The following CEP250 variants were observed in gnomAD, a reference collection of about 807,000 sequenced individuals.
The protein encoded by CEP250 is centrosome-associated protein CEP250.
CEP250 carries 242 observed loss-of-function variants against 315.7 expected under a neutral mutation model. That is an observed-to-expected ratio of 0.77 (90% CI 0.69 to 0.85). CEP250 has a LOEUF of 0.85. Ranked by LOEUF, CEP250 falls within the 40% of genes least tolerant of loss-of-function variation. CEP250 has a pLI of 0.00. For missense variants in CEP250, 2,515 were observed against 2,886.4 expected, an observed-to-expected ratio of 0.87 and a Z score of 2.95; for synonymous variants, 1,088 against 1,175.0, an observed-to-expected ratio of 0.93 and a Z score of 1.51.
rs74929920 is a variant in CEP250 at position 35,476,569 on chromosome 20, G to T, written c.1837G>T (p.Val613Phe). ...AAATGAGGCTTTGGCGTTAGATAAAGTTGGGCTGAACCAGCAGCTTCTCCA... is the reference window on the plus strand; with the variant it reads ...AAATGAGGCTTTGGCGTTAGATAAATTTGGGCTGAACCAGCAGCTTCTCCA... Reference protein sequence around the residue: ...ALNEALALDKVGLNQQLLQLE... With the variant: ...ALNEALALDKFGLNQQLLQLE... The change falls in exon 16 of 35, where the codon GTT becomes TTT. Residue 613 changes from valine (V) to phenylalanine (F), a missense_variant. Val to Phe is a conservative substitution (Grantham distance 50, BLOSUM62 -1). Transcript: ENST00000397527. 5,552 of 1,613,586 alleles carry T rather than the reference G, an allele frequency of 3.4e-3. 181 individuals are homozygous for T. The African/African-American group carries it at 0.065, about 19-fold the overall frequency.
Position 35,477,868 on chromosome 20 carries a change from T to G in CEP250, c.1864-3T>G. ...TGTACTCCCTTCCCTTTTTGGCCAG[T>G]AGTTAGAGGAGGAGAACCAGTCTGT... On this transcript the variant is annotated splice_polypyrimidine_tract_variant and splice_region_variant and intron_variant, in intron 16 of 34. Coordinates refer to ENST00000397527, the MANE Select transcript of CEP250 (RefSeq NM_007186.6). 1 of 1,571,834 alleles carries G rather than the reference T, an allele frequency of 6.4e-7. No homozygotes were observed. Among genetic ancestry groups the G allele is most frequent in the South Asian group, 1.2e-5 (1 of 85,660 alleles).
Position 35,504,657 on chromosome 20 carries a change from A to G in CEP250, c.6288A>G (p.Val2096=). The G allele has an allele frequency of 6.2e-7, 1 of 1,614,170 alleles. No individual in the cohort carries two copies. The highest frequency in any genetic ancestry group is 8.5e-7 in the Non-Finnish European group (1 of 1,180,028). Residue 2096 remains valine (V), a synonymous_variant, in exon 30 of 35, where the codon GTA becomes GTG. Coordinates refer to ENST00000397527, the MANE Select transcript of CEP250 (RefSeq NM_007186.6). Reference sequence around the variant, plus strand: ...AGATAAGGGGCCTTCATCAGAGTGTAAGGGAGCTACAGCTGACTCTAGCCC... The same window carrying G: ...AGATAAGGGGCCTTCATCAGAGTGTGAGGGAGCTACAGCTGACTCTAGCCC... ...EEEIRGLHQS[V]RELQLTLAQK...
intron 17 of CEP250, among the ~76,000 whole-genome samples, chr20:35,478,497 G>A (rs1342377787): frequency 6.6e-6 from 1 of 152,096 alleles, no homozygotes; most frequent in Non-Finnish European, 1.5e-5. Flanking sequence ...TCTGGGAGGC[G>A]GAGGTTGCAG....
Position 35,497,767 on chromosome 20 carries a change from G to C in CEP250, c.3355G>C (p.Ala1119Pro), listed in dbSNP as rs1313164788. Residue 1119 changes from alanine to proline, a missense_variant, in exon 26 of 35, where the codon GCC (alanine) becomes CCC (proline). Ala to Pro is a conservative substitution (Grantham distance 27). Transcript: ENST00000397527. Reference protein sequence around the residue: ...EVKEKEADFLAQEAQLLEELE... With the variant: ...EVKEKEADFLPQEAQLLEELE... ...GAAGGAAAAGGAGGCTGACTTTCTG[G>C]CCCAGGAAGCACAGCTGCTGGAGGA... 1 of 1,560,474 alleles carries C rather than the reference G, an allele frequency of 6.4e-7. No individual in the cohort carries two copies. The highest frequency in any genetic ancestry group is 1.4e-5 in the African/African-American group (1 of 73,654).
intron 20 of CEP250, among the ~76,000 whole-genome samples, chr20:35,489,433 G>T (rs1407003667): frequency 1.3e-5 from 2 of 152,232 alleles, no homozygotes; most frequent in Non-Finnish European, 2.9e-5. Context: ...TGTGTGCTAC[G>T]CACATTTAAA....
intron 7 of CEP250, 55 bp downstream of exon 7, chr20:35,466,259 G>A: frequency 6.5e-7 from 1 of 1,533,168 alleles, no homozygotes; most frequent in Non-Finnish European, 8.8e-7. Flanking sequence ...TCTGGATGCT[G>A]CCCTGGTCAG....
chr20:35,512,195 G>GTGT lies in CEP250; in HGVS notation c.*570_*571insGTT. On this transcript the variant is annotated 3_prime_UTR_variant, in exon 35 of 35. Transcript: ENST00000397527. ...AGAACAGGCTAACACTCATTTATGAGTCAGAGGCAATTCTGTGTACTGACT... is the reference window on the plus strand; with the variant it reads ...AGAACAGGCTAACACTCATTTATGAGTGTTCAGAGGCAATTCTGTGTACTGACT... 4.1e-6 allele frequency: 1 copy of GTGT among 244,020 alleles called. No homozygotes were observed. The highest frequency in any genetic ancestry group is 6.6e-6 in the Non-Finnish European group (1 of 151,640). 15.1% of individuals were successfully genotyped at this position (244,020 alleles called of 1,614,324 possible). A position where few individuals can be genotyped will look rare whatever the true frequency, so the allele number is the denominator to read the frequency against.
chr20:35,504,848 G>C lies in CEP250; in HGVS notation c.6479G>C (p.Arg2160Thr), dbSNP rs542508593. Residue 2160 changes from arginine (R) to threonine (T), a missense_variant, in exon 30 of 35, where the codon AGA (arginine) becomes ACA (threonine). By Grantham distance (71) the Arg-to-Thr change is moderately conservative. Coordinates refer to ENST00000397527, the MANE Select transcript of CEP250 (RefSeq NM_007186.6). Reference protein sequence around the residue: ...RELERLQAALRQTEAREIEWR... With the variant: ...RELERLQAALTQTEAREIEWR... Reference sequence around the variant, plus strand: ...CTGGAGCGGCTACAGGCAGCCCTGAGACAGACAGAAGCCAGGGAGATTGAG... The same window carrying C: ...CTGGAGCGGCTACAGGCAGCCCTGACACAGACAGAAGCCAGGGAGATTGAG... 6.2e-7 allele frequency: 1 copy of C among 1,614,204 alleles called. No homozygotes were observed. The highest frequency in any genetic ancestry group is 2.2e-5 in the East Asian group (1 of 44,882).
chr20:35,481,376 C>T (rs890636831), intron 20 of CEP250: 20 of 152,176 alleles, frequency 1.3e-4, no homozygotes, highest in African/African-American at 4.6e-4. Flanking sequence ...AGCTGAGCAC[C>T]ACTGCACTCC....
intron 4 of CEP250, among the ~76,000 whole-genome samples, chr20:35,463,168 C>T (rs1297393823): frequency 1.3e-5 from 2 of 152,068 alleles, no homozygotes; most frequent in East Asian, 1.9e-4. Context: ...TTTGGGAGGC[C>T]GAGGCAGGTG....
At chr20:35,495,766 A>C (rs1277812454) in intron 24 of CEP250, among the ~76,000 whole-genome samples, 1 of 151,978 alleles carries the variant, frequency 6.6e-6, no homozygotes, top group Admixed American at 6.6e-5. Flanking sequence ...AGCAAAAAAC[A>C]ACAAAAAAAA....
intron 13 of CEP250, 97 bp from the exon 14 acceptor site, chr20:35,473,773 G>A: frequency 1.7e-6 from 2 of 1,160,136 alleles, no homozygotes; most frequent in African/African-American, 1.6e-5. Flanking sequence ...ACAGAAGATG[G>A]GATGTTGAAA....
At position 35,466,163 on chromosome 20, in the gene CEP250, G is replaced by C. The variant is rs2062872988; in HGVS notation, c.451G>C (p.Glu151Gln). 6.2e-7 allele frequency: 1 copy of C among 1,609,192 alleles called. No homozygotes were observed. The highest frequency in any genetic ancestry group is 1.1e-5 in the South Asian group (1 of 90,420). ...LTVDWSRARD[E>Q]LMRKESQWQM... The stretch of plus-strand genomic sequence containing the variant: ...AGTGGACTGGAGCCGGGCCCGGGAT[G>C]AGCTAATGAGGAAGGAGAGCCAGTG... Residue 151 changes from glutamate to glutamine, a missense_variant, in exon 7 of 35, where the codon GAG becomes CAG. Coordinates refer to ENST00000397527, the MANE Select transcript of CEP250 (RefSeq NM_007186.6).
Position 35,509,869 on chromosome 20 carries a change from G to C in CEP250, c.7009-129G>C, listed in dbSNP as rs2064305861. ...GCTGCCCCATAGACGTCCAGTCTGA[G>C]TTCAGATGCTTCTGGCCCATAGCCC... On this transcript the variant is annotated intron_variant, in intron 33 of 34. Transcript: ENST00000397527. The C allele has an allele frequency of 1.7e-5, 14 of 818,194 alleles. No homozygotes were observed. In the South Asian group the frequency reaches 2.0e-4, roughly 12 times the overall value. The allele number at this position is 818,194 out of a possible 1,614,324, so 50.7% of individuals were successfully genotyped here. A position where few individuals can be genotyped will look rare whatever the true frequency, so the allele number is the denominator to read the frequency against.
At chr20:35,474,659 A>C in intron 14 of CEP250, 2 of 400,690 alleles carry the variant, frequency 5.0e-6, no homozygotes, top group Non-Finnish European at 1.0e-5. Context: ...CAATGGCCCC[A>C]GCTAATCTGT....
At chr20:35,505,730 G>A (rs1238507836) in intron 30 of CEP250, among the ~76,000 whole-genome samples, 9 of 151,966 alleles carry the variant, frequency 5.9e-5, no homozygotes, top group Non-Finnish European at 1.0e-4. Flanking sequence ...GAGCATTCAC[G>A]GGAAGAGGAA....
In CEP250 at chr20:35,475,590, C is replaced by T; in HGVS notation, c.1660C>T (p.Leu554=). The part of the protein sequence containing the change: ...TLREALESSH[L]EGELLRQEQT... ...TCGGGAAGCCCTGGAGTCAAGTCAC[C>T]TGGAAGGGGAGTTACTGAGGCAAGA... The change falls in exon 15 of 35, where the codon CTG becomes TTG. Residue 554 remains leucine (L), a synonymous_variant. Transcript: ENST00000397527. 6.2e-7 allele frequency: 1 copy of T among 1,614,096 alleles called. No individual in the cohort carries two copies. The highest frequency in any genetic ancestry group is 1.3e-5 in the African/African-American group (1 of 75,028).
At chr20:35,509,097 G>T in intron 33 of CEP250, 53 bp downstream of exon 33, 1 of 1,441,528 alleles carries the variant, frequency 6.9e-7, no homozygotes. Flanking sequence ...CCAGCCACCA[G>T]AAACTCAGCC....
At position 35,513,463 on chromosome 20, in the gene CEP250, G is replaced by A. The variant is rs2064397338; in HGVS notation, c.*1837G>A. On this transcript the variant is annotated 3_prime_UTR_variant, in exon 35 of 35. Transcript: ENST00000397527. The stretch of plus-strand genomic sequence containing the variant: ...AGTAGAGACAGGGTTTCTCCATGTT[G>A]ATCAGGCTGGTCTCGAACTCCCGAC... The A allele has an allele frequency of 6.6e-6, 1 of 152,060 alleles. No homozygotes were observed. The highest frequency in any genetic ancestry group is 2.1e-4 in the South Asian group (1 of 4,812). 9.4% of individuals were successfully genotyped at this position (152,060 alleles called of 1,614,324 possible).
Sources: gnomAD v4.1 joint callset for allele counts (sites outside exome capture counted in the v4.1 genomes callset) on GRCh38, gnomAD v4.1.1 for gene constraint, MANE v1.5 for transcripts, NCBI Gene and HGNC (gene_info 2026-07-23, HGNC 2026-07-21) for gene names.